NKAIN3: variants seen among roughly 807,000 people sequenced by gnomAD.
NKAIN3 encodes the protein sodium/potassium transporting ATPase interacting 3.
A neutral mutation model predicts 30.2 loss-of-function variants in NKAIN3; 25 were observed. That is an observed-to-expected ratio of 0.83 (90% CI 0.60 to 1.16). The LOEUF (loss-of-function observed/expected upper bound fraction) is 1.16. Ranked by LOEUF, NKAIN3 falls within the 50% of genes most tolerant of loss-of-function variation. NKAIN3 has a pLI of 0.00. For missense variants in NKAIN3, 225 were observed against 254.1 expected (o/e 0.89, Z 0.78); for synonymous variants, 91 against 89.6 (o/e 1.02, Z -0.09).
At chr8:62,988,393 C>T (rs1824247435), downstream of NKAIN3, among the ~76,000 whole-genome samples, 1 of 152,264 alleles carries the variant, frequency 6.6e-6, no homozygotes, top group Non-Finnish European at 1.5e-5. Flanking sequence ...TCCATGAGGG[C>T]TCCGCACCTG....
intron 4 of NKAIN3, among the ~76,000 whole-genome samples, chr8:62,829,614 T>TGAC (rs1197352861): frequency 6.6e-6 from 1 of 152,122 alleles, no homozygotes; most frequent in Admixed American, 6.6e-5. Flanking sequence ...TAAACAGACA[T>TGAC]ATCATATTAA....
chr8:62,840,610 G>T (rs1253866182), intron 4 of NKAIN3, among the ~76,000 whole-genome samples: 3 of 151,948 alleles, frequency 2.0e-5, no homozygotes, highest in Non-Finnish European at 4.4e-5. Flanking sequence ...GACCTTCCGG[G>T]ATAAAAGGGA....
chr8:62,819,136 TATATATATATATATAC>T (rs1818776169), intron 4 of NKAIN3, among the ~76,000 whole-genome samples: 1 of 106,028 alleles, frequency 9.4e-6, no homozygotes, highest in African/African-American at 3.2e-5. Flanking sequence ...ATTATCGTTA[TATATATATATATATAC>T]ATATATATAT....
chr8:62,266,693 A>C (rs1276581710), intron 1 of NKAIN3, among the ~76,000 whole-genome samples: 1 of 152,100 alleles, frequency 6.6e-6, no homozygotes, highest in African/African-American at 2.4e-5. Context: ...AAGAGGGAGA[A>C]GCGCCTCTTC....
At chr8:62,764,192 T>TC (rs2130622697) in intron 4 of NKAIN3, among the ~76,000 whole-genome samples, 1 of 152,368 alleles carries the variant, frequency 6.6e-6, no homozygotes, top group East Asian at 1.9e-4. Context: ...ATGGTGATGT[T>TC]CCTGCTCTGT....
chr8:62,460,524 A>G (rs555057815), intron 1 of NKAIN3, among the ~76,000 whole-genome samples: 1 of 152,184 alleles, frequency 6.6e-6, no homozygotes, highest in Non-Finnish European at 1.5e-5. Context: ...TTCAAGAAAA[A>G]CAGCTGAATG....
At chr8:62,518,901 C>T (rs538059934) in intron 1 of NKAIN3, among the ~76,000 whole-genome samples, 1 of 152,136 alleles carries the variant, frequency 6.6e-6, no homozygotes, top group Admixed American at 6.5e-5. Context: ...TGCCTGGGTC[C>T]CAGTTTTGTT....
At position 62,330,136 on chromosome 8, in the gene NKAIN3, T is replaced by G. The variant is rs112296103; in HGVS notation, c.54+81009T>G. 8.0e-3 allele frequency among the ~76,000 whole-genome samples: 1,206 copies of G among 151,698 alleles called. 23 individuals are homozygous for G. Among genetic ancestry groups the G allele is most frequent in the African/African-American group, 0.028 (1,155 of 41,360 alleles). ...ACGATTCCAGATAGAAGAGAAAGGG[T>G]GAGCCAAGGTTGAGGTTAGGGAGAG... On this transcript the variant is annotated intron_variant, in intron 1 of 6. Transcript: ENST00000623646.
intron 4 of NKAIN3, among the ~76,000 whole-genome samples, chr8:62,766,678 T>C (rs994762875): frequency 6.6e-6 from 1 of 152,130 alleles, no homozygotes; most frequent in Non-Finnish European, 1.5e-5. Flanking sequence ...CCTTATCCAC[T>C]ATGAGTGACA....
intron 3 of NKAIN3, 121 bp downstream of exon 3, chr8:62,589,915 G>GTA: frequency 2.5e-6 from 1 of 398,922 alleles, no homozygotes; most frequent in Non-Finnish European, 4.6e-6. Context: ...GTGTGTGTGT[G>GTA]TATAGAATGA....
Position 62,508,070 on chromosome 8 carries a change from C to A in NKAIN3, c.55-71469C>A, listed in dbSNP as rs1377121466. On this transcript the variant is annotated intron_variant, in intron 1 of 6. Coordinates refer to ENST00000623646, the MANE Select transcript of NKAIN3 (RefSeq NM_001304533.3). ...AGGGAAGGTGATATGTTATTCCTTG[C>A]AGGAAATAATTCTTTATATGTCCCG... Among the ~76,000 whole-genome samples, 4 of 152,292 alleles carry A rather than the reference C, an allele frequency of 2.6e-5. No individual in the cohort carries two copies. The South Asian group carries it at 6.2e-4, about 24-fold the overall frequency.
intron 1 of NKAIN3, among the ~76,000 whole-genome samples, chr8:62,509,943 G>A (rs760806670): frequency 2.9e-4 from 44 of 152,234 alleles, no homozygotes; most frequent in Non-Finnish European, 5.4e-4. Context: ...CATAGGACAT[G>A]TGCATAAATA....
intron 3 of NKAIN3, among the ~76,000 whole-genome samples, chr8:62,709,689 C>A (rs923589517): frequency 6.6e-6 from 1 of 151,958 alleles, no homozygotes; most frequent in African/African-American, 2.4e-5. Context: ...TTTCATTTAT[C>A]TTTTGTATTT....
In NKAIN3 at chr8:62,981,275, G is replaced by T. The variant is rs565252929; in HGVS notation, c.*15868G>T. On this transcript the variant is annotated 3_prime_UTR_variant, in exon 7 of 7. Transcript: ENST00000623646. Reference sequence around the variant, plus strand: ...GGAGAGTTTTCATTAAAGGGCCCCTGCAAATCTATGATGCTAGATGACAGA... The same window carrying T: ...GGAGAGTTTTCATTAAAGGGCCCCTTCAAATCTATGATGCTAGATGACAGA... 1 of 152,108 alleles carries T rather than the reference G, an allele frequency of 6.6e-6. No individual in the cohort carries two copies. The highest frequency in any genetic ancestry group is 1.5e-5 in the Non-Finnish European group (1 of 68,022). The allele number at this position is 152,108 out of a possible 1,614,324, so 9.4% of individuals were successfully genotyped here. A position where few individuals can be genotyped will look rare whatever the true frequency, so the allele number is the denominator to read the frequency against.
At chr8:62,252,953 A>G (rs1362743765) in intron 1 of NKAIN3, among the ~76,000 whole-genome samples, 2 of 152,220 alleles carry the variant, frequency 1.3e-5, no homozygotes, top group Non-Finnish European at 2.9e-5. Context: ...ATTTTCTGAG[A>G]GTAGCCTCAG....
chr8:62,946,127 G>T (rs776394424), intron 5 of NKAIN3, among the ~76,000 whole-genome samples: 1 of 152,112 alleles, frequency 6.6e-6, no homozygotes, highest in South Asian at 2.1e-4. Flanking sequence ...TAAACTTCCT[G>T]AAGCATAAAG....
intron 1 of NKAIN3, among the ~76,000 whole-genome samples, chr8:62,520,849 GAA>G (rs1364546847): frequency 1.3e-5 from 2 of 151,810 alleles, no homozygotes; most frequent in Non-Finnish European, 2.9e-5. Flanking sequence ...AGAAGAAATA[GAA>G]GTAACTTTGA....
intron 4 of NKAIN3, among the ~76,000 whole-genome samples, chr8:62,804,484 G>A (rs1330337598): frequency 6.6e-6 from 1 of 152,194 alleles, no homozygotes; most frequent in African/African-American, 2.4e-5. Context: ...TAGGATGCAA[G>A]GCTGGTTCAA....
At position 62,918,497 on chromosome 8, in the gene NKAIN3, G is replaced by GGAA. The variant is rs769386725; in HGVS notation, c.525_527dup (p.Glu175dup). On this transcript the variant is annotated inframe_insertion, in exon 5 of 7. Coordinates refer to ENST00000623646, the MANE Select transcript of NKAIN3 (RefSeq NM_001304533.3). ...CCTGTTATGTGATCAGTATTTCCATGGAAGAAGAAGACACATGTAAGTACT... is the reference window on the plus strand; with the variant it reads ...CCTGTTATGTGATCAGTATTTCCATGGAAGAAGAAGAAGACACATGTAAGTACT... 6.0e-5 allele frequency: 96 copies of GGAA among 1,612,440 alleles called. No individual in the cohort carries two copies. The highest frequency in any genetic ancestry group is 8.0e-5 in the Non-Finnish European group (94 of 1,178,784).
Sources: gnomAD v4.1 joint callset for allele counts (sites outside exome capture counted in the v4.1 genomes callset) on GRCh38, gnomAD v4.1.1 for gene constraint, MANE v1.5 for transcripts, NCBI Gene and HGNC (gene_info 2026-07-23, HGNC 2026-07-21) for gene names.